The following ZFR2 variants were observed in gnomAD, a reference collection of about 807,000 sequenced individuals.
ZFR2 encodes the protein zinc finger RNA-binding protein 2.
A neutral mutation model predicts 105.7 loss-of-function variants in ZFR2; 104 were observed. The ratio of observed to expected loss-of-function variants is 0.98; its 90% CI spans 0.84 to 1.16. ZFR2 has a LOEUF of 1.16. ZFR2 is among the 50% of genes most tolerant of loss of function. The pLI is 0.00. For synonymous variants in ZFR2, 634 were observed against 597.7 expected (o/e 1.06, Z -0.89); for missense variants, 1,425 against 1,355.5 (o/e 1.05, Z -0.80).
chr19:3,857,531 CAAA>C (rs11289351), intron 1 of ZFR2, among the ~76,000 whole-genome samples: 28 of 118,658 alleles, frequency 2.4e-4, no homozygotes, highest in Admixed American at 5.2e-4. Flanking sequence ...ATGGTGTATA[CAAA>C]AAAAAAAAAA....
Position 3,823,195 on chromosome 19 carries a change from G to C in ZFR2, c.1371+51C>G, listed in dbSNP as rs1568421902. On this transcript the variant is annotated intron_variant, in intron 8 of 18. Coordinates refer to ENST00000262961, the MANE Select transcript of ZFR2 (RefSeq NM_015174.2). The surrounding 1 kb of genome is among the most constrained non-coding windows in gnomAD (Gnocchi z 5.4). ...GGTGAGGTCTCGAAGCCTGATCCAT[G>C]GGAAGGTCCTTCCCTGACCGGGGCA... is the stretch of plus-strand genomic sequence containing the variant. The C allele has an allele frequency of 2.5e-6, 4 of 1,611,882 alleles. No homozygotes were observed. In the Admixed American group the frequency reaches 6.7e-5, roughly 27 times the overall value.
intron 6 of ZFR2, among the ~76,000 whole-genome samples, chr19:3,826,470 C>G (rs1230696311): frequency 6.7e-6 from 1 of 148,856 alleles, no homozygotes; most frequent in Non-Finnish European, 1.5e-5. Flanking sequence ...GAGCCTTGCT[C>G]TGTCGCCCAG....
Position 3,805,873 on chromosome 19 carries a change from A to C in ZFR2, c.*76T>G, listed in dbSNP as rs2037690106. The stretch of plus-strand genomic sequence containing the variant: ...TGACCATTGTCCAACGTCGGGGATG[A>C]AGCAGCCATTGGTCGGCGCGCACAC... On this transcript the variant is annotated 3_prime_UTR_variant, in exon 19 of 19. Transcript: ENST00000262961. The C allele has an allele frequency of 7.2e-7, 1 of 1,397,392 alleles. No homozygotes were observed. The highest frequency in any genetic ancestry group is 1.5e-5 in the African/African-American group (1 of 67,072). The allele number at this position is 1,397,392 out of a possible 1,614,324, so 86.6% of individuals were successfully genotyped here.
At position 3,819,198 on chromosome 19, in the gene ZFR2, A is replaced by T; in HGVS notation, c.1778T>A (p.Val593Asp). 1 of 1,579,698 alleles carries T rather than the reference A, an allele frequency of 6.3e-7. No individual in the cohort carries two copies. Among genetic ancestry groups the T allele is most frequent in the Non-Finnish European group, 8.6e-7 (1 of 1,169,024 alleles). The change falls in exon 12 of 19, where the codon GTC becomes GAC. Residue 593 changes from valine (V) to aspartate (D), a missense_variant. Transcript: ENST00000262961. Reference sequence around the variant, plus strand: ...GTAGATGGTGGCGTGCTTGCACATGACGTGCCGGTCGTCGCTGGACGCCGG... The same window carrying T: ...GTAGATGGTGGCGTGCTTGCACATGTCGTGCCGGTCGTCGCTGGACGCCGG... ...RRPASSDDRHVMCKHATIYPT... is the reference protein window; with the variant it reads ...RRPASSDDRHDMCKHATIYPT...
At chr19:3,851,607 G>A (rs1258793820) in intron 1 of ZFR2, among the ~76,000 whole-genome samples, 1 of 152,204 alleles carries the variant, frequency 6.6e-6, no homozygotes, top group Non-Finnish European at 1.5e-5. Flanking sequence ...CCATGGCCTG[G>A]CAGAGCCCAG....
intron 1 of ZFR2, among the ~76,000 whole-genome samples, chr19:3,848,968 T>C (rs112731154): frequency 0.014 from 2,144 of 152,300 alleles, 27 homozygotes; most frequent in Non-Finnish European, 0.021. Flanking sequence ...CACTCCAGCC[T>C]GGACAACAAA....
chr19:3,833,642 C>A, intron 3 of ZFR2, 22 bp downstream of exon 3: 2 of 1,537,258 alleles, frequency 1.3e-6, no homozygotes, highest in Non-Finnish European at 8.8e-7. Context: ...CGTTCCCAGC[C>A]CCGACCCTGC....
intron 5 of ZFR2, among the ~76,000 whole-genome samples, chr19:3,830,926 T>C (rs2038005210): frequency 6.7e-6 from 1 of 149,936 alleles, no homozygotes; most frequent in African/African-American, 2.5e-5. Context: ...TGCACACACA[T>C]ACACATGCAG....
rs575647050 is a variant in ZFR2, at chr19:3,834,839, C to A, written c.198G>T (p.Gln66His). 5.4e-5 allele frequency: 87 copies of A among 1,612,252 alleles called. No homozygotes were observed. The highest frequency in any genetic ancestry group is 1.3e-4 in the Admixed American group (8 of 59,894). Residue 66 changes from glutamine to histidine, a missense_variant, in exon 2 of 19, where the codon CAG becomes CAT. Coordinates refer to ENST00000262961, the MANE Select transcript of ZFR2 (RefSeq NM_015174.2). This position sits in a 1 kb window ranked among gnomAD's most constrained non-coding sequence, Gnocchi z 5.3. The part of the protein sequence containing the change: ...GYGGYQPHSG[Q>H]DFAYGSRPQE... ...GGGGTCGGCTGCCGTAGGCGAAGTC[C>A]TGGCCGGAGTGGGGCTGGTATCCAC... is the stretch of plus-strand genomic sequence containing the variant.
intron 9 of ZFR2, 81 bp from the exon 10 acceptor site, chr19:3,821,560 A>G: frequency 8.9e-7 from 1 of 1,124,550 alleles, no homozygotes; most frequent in Non-Finnish European, 1.2e-6. Context: ...GTGCAGGGAG[A>G]GGCCCAGAGA....
At chr19:3,852,960 G>C (rs923076856) in intron 1 of ZFR2, among the ~76,000 whole-genome samples, 5 of 152,110 alleles carry the variant, frequency 3.3e-5, no homozygotes, top group African/African-American at 9.6e-5. Flanking sequence ...TCACTGCAGA[G>C]AATAATCCAG....
intron 14 of ZFR2, among the ~76,000 whole-genome samples, chr19:3,812,036 C>G (rs8109033): frequency 2.0e-5 from 3 of 151,834 alleles, no homozygotes; most frequent in Non-Finnish European, 4.4e-5. Context: ...CTCCGCCTCT[C>G]GGGTTCAAGT....
At chr19:3,845,910 C>T (rs565295296) in intron 1 of ZFR2, among the ~76,000 whole-genome samples, 1 of 152,194 alleles carries the variant, frequency 6.6e-6, no homozygotes, top group African/African-American at 2.4e-5. Context: ...GGGAAAAGGG[C>T]GCGGATTCAG....
chr19:3,807,445 C>A (rs982854242), intron 17 of ZFR2, among the ~76,000 whole-genome samples, 176 bp from the exon 18 acceptor site: 2 of 152,234 alleles, frequency 1.3e-5, no homozygotes, highest in Non-Finnish European at 2.9e-5. Context: ...CTCACCCGGG[C>A]ACATGGGGGA....
intron 1 of ZFR2, among the ~76,000 whole-genome samples, chr19:3,860,942 G>A (rs1364410602): frequency 1.3e-5 from 2 of 152,076 alleles, no homozygotes; most frequent in African/African-American, 4.8e-5. Context: ...AACCACAACC[G>A]GCCTCGAACC....
chr19:3,861,556 G>A (rs983556998), intron 1 of ZFR2, among the ~76,000 whole-genome samples: 1 of 152,122 alleles, frequency 6.6e-6, no homozygotes, highest in Non-Finnish European at 1.5e-5. Flanking sequence ...AGGCCAGGAG[G>A]TTGAGGCTGC....
chr19:3,854,965 G>A (rs1423857646), intron 1 of ZFR2, among the ~76,000 whole-genome samples: 1 of 152,138 alleles, frequency 6.6e-6, no homozygotes, highest in East Asian at 1.9e-4. Context: ...TTGCTTTGTT[G>A]CCCAGGCTGG....
chr19:3,830,797 C>T (rs1416678123), intron 5 of ZFR2, among the ~76,000 whole-genome samples: 1 of 152,188 alleles, frequency 6.6e-6, no homozygotes, highest in Non-Finnish European at 1.5e-5. Context: ...ACGATCTCAG[C>T]TGGGTGATTT....
At position 3,835,125 on chromosome 19, in the gene ZFR2, C is replaced by G. The variant is rs554606648; in HGVS notation, c.54-142G>C. On this transcript the variant is annotated intron_variant, in intron 1 of 18. Coordinates refer to ENST00000262961, the MANE Select transcript of ZFR2 (RefSeq NM_015174.2). ...ACCCTCCTAGGAGCCCAGGCACGGC[C>G]GGAAGCACTTTACACAAATTAACAC... 2.2e-5 allele frequency: 20 copies of G among 907,100 alleles called. No individual in the cohort carries two copies. The East Asian group carries it at 4.5e-4, about 20-fold the overall frequency. 56.2% of individuals were successfully genotyped at this position (907,100 alleles called of 1,614,324 possible).
Sources: gnomAD v4.1 joint callset for allele counts (sites outside exome capture counted in the v4.1 genomes callset) on GRCh38, gnomAD v4.1.1 for gene constraint, Gnocchi (gnomAD v3.1) non-coding constraint, MANE v1.5 for transcripts, NCBI Gene and HGNC (gene_info 2026-07-23, HGNC 2026-07-21) for gene names.